Variants in ARHGAP28 observed in about 807,000 individuals in gnomAD.
ARHGAP28 encodes rho GTPase-activating protein 28.
Under a neutral mutation model 90.7 loss-of-function variants are expected in ARHGAP28, and 56 were observed. The observed-to-expected ratio is 0.62, with a 90% CI of 0.50 to 0.77. The LOEUF (loss-of-function observed/expected upper bound fraction) is 0.77, where lower values mean the gene tolerates loss of function less well. ARHGAP28 is among the 30% of genes least tolerant of loss of function. The pLI is 0.00. For synonymous variants in ARHGAP28, 308 were observed against 323.3 expected, an observed-to-expected ratio of 0.95 and a Z score of 0.51; for missense variants, 869 against 900.9, an observed-to-expected ratio of 0.96 and a Z score of 0.45.
chr18:6,749,019 C>T (rs190719733), intron 1 of ARHGAP28, among the ~76,000 whole-genome samples: 3 of 152,132 alleles, frequency 2.0e-5, no homozygotes, highest in African/African-American at 7.2e-5. Context: ...TTTGCTTATC[C>T]TCATTCTAAG....
chr18:6,741,906 C>T (rs1013560230), intron 1 of ARHGAP28, among the ~76,000 whole-genome samples: 1 of 152,104 alleles, frequency 6.6e-6, no homozygotes, highest in Non-Finnish European at 1.5e-5. Context: ...TTTCCAGGAT[C>T]CCCCAATCGC....
intron 1 of ARHGAP28, among the ~76,000 whole-genome samples, chr18:6,777,042 G>A (rs1873659800): frequency 6.6e-6 from 1 of 152,174 alleles, no homozygotes; most frequent in Non-Finnish European, 1.5e-5. Flanking sequence ...TTGTTAATAA[G>A]AGAATGACAT....
rs574079575 is a variant in ARHGAP28 at position 6,826,974 on chromosome 18, A to G, written c.325+2010A>G. 1.8e-4 allele frequency among the ~76,000 whole-genome samples: 28 copies of G among 152,282 alleles called. 1 individual carries two copies. The highest frequency in any genetic ancestry group is 7.8e-4 in the Admixed American group (12 of 15,300). On this transcript the variant is annotated intron_variant, in intron 2 of 17. Coordinates refer to ENST00000383472, the MANE Select transcript of ARHGAP28 (RefSeq NM_001366230.1). ...ATCCATTTAACCATGAGTGGACACA[A>G]CACATGTTTCAGAGAGCACAGGGTT...
At chr18:6,809,861 C>G (rs2056544282) in intron 1 of ARHGAP28, among the ~76,000 whole-genome samples, 1 of 152,122 alleles carries the variant, frequency 6.6e-6, no homozygotes, top group Admixed American at 6.6e-5. Flanking sequence ...TTTGCAGTAC[C>G]TAGAATGGTG....
intron 1 of ARHGAP28, among the ~76,000 whole-genome samples, chr18:6,813,683 A>G (rs1036602808): frequency 1.3e-5 from 2 of 152,208 alleles, no homozygotes; most frequent in African/African-American, 2.4e-5. Context: ...TGAAGAATAT[A>G]AAGTATAAAT....
chr18:6,871,595 C>T (rs553691570), intron 7 of ARHGAP28, among the ~76,000 whole-genome samples: 9 of 152,144 alleles, frequency 5.9e-5, no homozygotes, highest in Non-Finnish European at 8.8e-5. Flanking sequence ...TAATAGAGAA[C>T]GATGTAACAT....
chr18:6,901,540 T>TAAA (rs57305269), intron 16 of ARHGAP28, among the ~76,000 whole-genome samples: 1 of 132,490 alleles, frequency 7.5e-6, no homozygotes. Flanking sequence ...CTTGATATGA[T>TAAA]AAAAAAAAAA....
intron 1 of ARHGAP28, among the ~76,000 whole-genome samples, chr18:6,800,986 T>C (rs867730089): frequency 3.9e-5 from 6 of 152,234 alleles, no homozygotes; most frequent in Non-Finnish European, 2.9e-5. Context: ...CTTTTCATTC[T>C]TTTGTCAATG....
chr18:6,806,776 G>T (rs138577115), intron 1 of ARHGAP28, among the ~76,000 whole-genome samples: 1 of 151,674 alleles, frequency 6.6e-6, no homozygotes, highest in African/African-American at 2.4e-5. Context: ...AGGATTTCCT[G>T]TAACATTTCT....
intron 4 of ARHGAP28, among the ~76,000 whole-genome samples, chr18:6,851,689 A>G (rs530841993): frequency 4.3e-4 from 66 of 152,356 alleles, no homozygotes; most frequent in African/African-American, 1.5e-3. Flanking sequence ...AAATTGTGGT[A>G]TATCCACAAA....
intron 16 of ARHGAP28, chr18:6,898,499 A>G: frequency 6.2e-7 from 1 of 1,614,138 alleles, no homozygotes; most frequent in Non-Finnish European, 8.5e-7. Flanking sequence ...AAAAAGAAAG[A>G]GAAGAGTCGA....
chr18:6,845,804 T>G lies in ARHGAP28; in HGVS notation c.544-5230T>G, dbSNP rs1292716152. Among the ~76,000 whole-genome samples, 3 of 152,356 alleles carry G rather than the reference T, an allele frequency of 2.0e-5. No homozygotes were observed. In the East Asian group the frequency reaches 5.8e-4, roughly 29 times the overall value. On this transcript the variant is annotated intron_variant, in intron 3 of 17. Transcript: ENST00000383472. Reference sequence around the variant, plus strand: ...ATTCCATGGTATATATGTACCACTCTAAATGTAAATATCATGGGAAGCAGC... The same window carrying G: ...ATTCCATGGTATATATGTACCACTCGAAATGTAAATATCATGGGAAGCAGC...
intron 1 of ARHGAP28, among the ~76,000 whole-genome samples, chr18:6,808,774 A>G (rs1381999221): frequency 3.9e-5 from 6 of 152,190 alleles, no homozygotes; most frequent in Non-Finnish European, 5.9e-5. Context: ...TATTTTTAGT[A>G]TACACACCAG....
At chr18:6,869,081 C>A (rs1156600718) in intron 6 of ARHGAP28, among the ~76,000 whole-genome samples, 1 of 152,090 alleles carries the variant, frequency 6.6e-6, no homozygotes, top group Non-Finnish European at 1.5e-5. Context: ...AAAAACCAGC[C>A]TTCTACGTGG....
At chr18:6,817,583 T>A (rs963252692) in intron 1 of ARHGAP28, among the ~76,000 whole-genome samples, 12 of 152,222 alleles carry the variant, frequency 7.9e-5, no homozygotes, top group Admixed American at 7.9e-4. Flanking sequence ...GGCATTTATT[T>A]TTCTCACATT....
intron 16 of ARHGAP28, among the ~76,000 whole-genome samples, chr18:6,899,536 T>C (rs979252839): frequency 6.6e-6 from 1 of 151,632 alleles, no homozygotes; most frequent in African/African-American, 2.4e-5. Context: ...CAAACACCAA[T>C]AGAAAAAACA....
At chr18:6,788,196 G>A (rs1397064175) in intron 1 of ARHGAP28, among the ~76,000 whole-genome samples, 2 of 152,020 alleles carry the variant, frequency 1.3e-5, no homozygotes, top group African/African-American at 2.4e-5. Flanking sequence ...TAGTGAGTGA[G>A]TTCTCGGGAG....
At chr18:6,856,397 T>TAA (rs1285022147) in intron 4 of ARHGAP28, among the ~76,000 whole-genome samples, 1 of 152,218 alleles carries the variant, frequency 6.6e-6, no homozygotes, top group Non-Finnish European at 1.5e-5. Flanking sequence ...AGGTAAGAAT[T>TAA]ACATTTTTTT....
intron 1 of ARHGAP28, among the ~76,000 whole-genome samples, chr18:6,804,842 A>G (rs2056506740): frequency 6.6e-6 from 1 of 152,210 alleles, no homozygotes; most frequent in African/African-American, 2.4e-5. Context: ...ATATTGGTAA[A>G]TGTTCTATGT....
Sources: gnomAD v4.1 joint callset for allele counts (sites outside exome capture counted in the v4.1 genomes callset) on GRCh38, gnomAD v4.1.1 for gene constraint, MANE v1.5 for transcripts, NCBI Gene and HGNC (gene_info 2026-07-23, HGNC 2026-07-21) for gene names.